SLIT3: variants seen among roughly 807,000 people sequenced by gnomAD.
The protein encoded by SLIT3 is slit homolog 3 protein.
Under a neutral mutation model 184.0 loss-of-function variants are expected in SLIT3, and 68 were observed. That is an observed-to-expected ratio of 0.37 (90% CI 0.30 to 0.45). The LOEUF is 0.45. Ranked by LOEUF, SLIT3 falls within the 20% of genes least tolerant of loss-of-function variation. The pLI, the probability that SLIT3 is intolerant of heterozygous loss-of-function variation, is 1.00. For synonymous variants in SLIT3, 831 were observed against 828.6 expected (o/e 1.00, Z -0.05); for missense variants, 1,707 against 2,026.0 (o/e 0.84, Z 3.02).
chr5:169,038,231 G>A (rs1031042200), intron 4 of SLIT3, among the ~76,000 whole-genome samples: 5 of 152,118 alleles, frequency 3.3e-5, no homozygotes, highest in African/African-American at 1.2e-4. Flanking sequence ...CGGGTCTGTG[G>A]ACCTCATTTG....
chr5:168,888,720 T>A (rs984366985), intron 4 of SLIT3, among the ~76,000 whole-genome samples: 1 of 152,302 alleles, frequency 6.6e-6, no homozygotes, highest in Non-Finnish European at 1.5e-5. Flanking sequence ...TTAAAAAAAA[T>A]TCCATCAACT....
chr5:169,011,946 C>CTTT lies in SLIT3; in HGVS notation c.414-128613_414-128611dup, dbSNP rs35743496. Among the ~76,000 whole-genome samples, 361 of 140,636 alleles carry CTTT rather than the reference C, an allele frequency of 2.6e-3. 3 individuals are homozygous for CTTT. The highest frequency in any genetic ancestry group is 8.7e-3 in the African/African-American group (340 of 39,046). The allele number at this position is 140,636 out of a possible 152,430, so 92.3% of individuals were successfully genotyped here. On this transcript the variant is annotated intron_variant, in intron 4 of 35. Coordinates refer to ENST00000519560, the MANE Select transcript of SLIT3 (RefSeq NM_003062.4). ...AAAAACAGAGTAATATTCTTTCTTGCTTTTTTTTTTTTTTGGTTTAACTAG... is the reference window on the plus strand; with the variant it reads ...AAAAACAGAGTAATATTCTTTCTTGCTTTTTTTTTTTTTTTTTGGTTTAACTAG...
chr5:168,904,337 T>A (rs974357704), intron 4 of SLIT3, among the ~76,000 whole-genome samples: 11 of 152,144 alleles, frequency 7.2e-5, no homozygotes, highest in Admixed American at 2.0e-4. Flanking sequence ...TGGGGGGAAA[T>A]AAACCAAATA....
intron 31 of SLIT3, among the ~76,000 whole-genome samples, chr5:168,685,115 A>T (rs201461702): frequency 6.6e-6 from 1 of 151,992 alleles, no homozygotes; most frequent in Admixed American, 6.6e-5. Flanking sequence ...ACGCCCTGCT[A>T]ATTTTTTATT....
intron 1 of SLIT3, among the ~76,000 whole-genome samples, chr5:169,297,157 G>A (rs547123448): frequency 1.2e-4 from 19 of 152,184 alleles, no homozygotes; most frequent in Non-Finnish European, 2.4e-4. Flanking sequence ...TTTGCTGCAC[G>A]GATAATAAAT....
At chr5:169,140,387 G>A (rs1761680502) in intron 4 of SLIT3, among the ~76,000 whole-genome samples, 2 of 136,682 alleles carry the variant, frequency 1.5e-5, no homozygotes, top group Non-Finnish European at 3.1e-5. Context: ...GGCTGAGACA[G>A]CAGAATTGCT....
chr5:168,941,468 G>T (rs909810984), intron 4 of SLIT3, among the ~76,000 whole-genome samples: 2 of 152,132 alleles, frequency 1.3e-5, no homozygotes, highest in Non-Finnish European at 2.9e-5. Flanking sequence ...AGTGCTTAGT[G>T]CAGTGTCTGG....
intron 3 of SLIT3, among the ~76,000 whole-genome samples, chr5:169,222,273 G>A (rs183347368): frequency 8.3e-4 from 127 of 152,196 alleles, no homozygotes; most frequent in African/African-American, 3.0e-3. Flanking sequence ...GTATCTGTAG[G>A]GTCATGCATT....
chr5:168,815,463 G>A (rs1330490490), intron 8 of SLIT3, among the ~76,000 whole-genome samples: 3 of 152,168 alleles, frequency 2.0e-5, no homozygotes, highest in East Asian at 1.9e-4. Context: ...GATGACTCTC[G>A]TACTCTATAA....
intron 4 of SLIT3, among the ~76,000 whole-genome samples, chr5:168,941,124 A>T (rs1762318570): frequency 6.6e-6 from 1 of 152,142 alleles, no homozygotes; most frequent in Admixed American, 6.6e-5. Flanking sequence ...AGGTCTCTTA[A>T]ATCACCACCA....
chr5:169,145,340 C>T (rs918284516), intron 4 of SLIT3, among the ~76,000 whole-genome samples: 3 of 152,074 alleles, frequency 2.0e-5, no homozygotes, highest in Non-Finnish European at 4.4e-5. Flanking sequence ...GGGGCCTTTC[C>T]GGTAGAGACA....
At chr5:169,160,416 A>G (rs1192341904) in intron 4 of SLIT3, among the ~76,000 whole-genome samples, 1 of 152,186 alleles carries the variant, frequency 6.6e-6, no homozygotes, top group Non-Finnish European at 1.5e-5. Flanking sequence ...AATACCTAAG[A>G]AAAAAGAGAC....
chr5:169,292,912 G>A (rs1458466571), intron 1 of SLIT3, among the ~76,000 whole-genome samples: 5 of 152,198 alleles, frequency 3.3e-5, no homozygotes, highest in Admixed American at 6.5e-5. Context: ...GTCAAAATGA[G>A]CCTACCCAGG....
intron 4 of SLIT3, among the ~76,000 whole-genome samples, chr5:169,179,815 G>T (rs1763099644): frequency 1.3e-5 from 2 of 152,124 alleles, no homozygotes; most frequent in Non-Finnish European, 2.9e-5. Flanking sequence ...GGGAATAGCA[G>T]ATTTTGGAGA....
At chr5:168,871,146 G>T (rs1276256967) in intron 5 of SLIT3, among the ~76,000 whole-genome samples, 2 of 152,166 alleles carry the variant, frequency 1.3e-5, no homozygotes, top group African/African-American at 2.4e-5. Context: ...CAGGATCGGG[G>T]TTGTCCTCCT....
intron 20 of SLIT3, among the ~76,000 whole-genome samples, chr5:168,747,549 C>T (rs1754525769): frequency 6.6e-6 from 1 of 152,124 alleles, no homozygotes; most frequent in Non-Finnish European, 1.5e-5. Flanking sequence ...AGCTGCAGTG[C>T]TCTTGGTGCA....
chr5:169,066,942 GAAAAA>G (rs60977256), intron 4 of SLIT3, among the ~76,000 whole-genome samples: 2 of 80,442 alleles, frequency 2.5e-5, no homozygotes, highest in African/African-American at 8.6e-5. Context: ...TCCCTTTCCT[GAAAAA>G]AAAAAAAAAA....
intron 4 of SLIT3, among the ~76,000 whole-genome samples, chr5:169,031,692 G>A (rs906764885): frequency 2.6e-5 from 4 of 152,304 alleles, no homozygotes; most frequent in South Asian, 2.1e-4. Flanking sequence ...GATGGGAGAC[G>A]GGGTCAGGAG....
chr5:169,300,795 G>A lies in SLIT3; in HGVS notation c.-86C>T. The A allele has an allele frequency of 8.2e-7, 1 of 1,220,900 alleles. No individual in the cohort carries two copies. The highest frequency in any genetic ancestry group is 3.7e-5 in the South Asian group (1 of 27,072). 75.6% of individuals were successfully genotyped at this position (1,220,900 alleles called of 1,614,324 possible). ...GAGGAGGCGCGCGGGGAGCGCGGGC[G>A]GCCTGGGGAGCGGGCGGCGGAGTTA... On this transcript the variant is annotated 5_prime_UTR_variant, in exon 1 of 36. Transcript: ENST00000519560. The surrounding 1 kb of genome is among the most constrained non-coding windows in gnomAD (Gnocchi z 4.1).
Sources: allele counts gnomAD v4.1 joint callset (sites outside exome capture counted in the v4.1 genomes callset), GRCh38; gene constraint gnomAD v4.1.1; non-coding constraint Gnocchi (gnomAD v3.1); transcripts MANE v1.5; gene names NCBI Gene and HGNC (gene_info 2026-07-23, HGNC 2026-07-21).